CADM2: variants seen among roughly 807,000 people sequenced by gnomAD.
The protein encoded by CADM2 is immunoglobulin superfamily member 4D.
A neutral mutation model predicts 49.8 loss-of-function variants in CADM2; 12 were observed. The observed-to-expected ratio is 0.24, with a 90% CI of 0.15 to 0.39. The LOEUF is 0.39. Among genes scored for constraint, CADM2 ranks in the 10% least tolerant of loss-of-function variants. CADM2 has a pLI of 1.00. For synonymous variants in CADM2, 214 were observed against 175.4 expected, an observed-to-expected ratio of 1.22 and a Z score of -1.74; for missense variants, 378 against 492.3, an observed-to-expected ratio of 0.77 and a Z score of 2.20.
intron 1 of CADM2, among the ~76,000 whole-genome samples, chr3:85,284,007 A>G (rs1429601605): frequency 1.3e-5 from 2 of 152,306 alleles, no homozygotes; most frequent in African/African-American, 4.8e-5. Context: ...AGTGGATACT[A>G]TAATAATTTA....
chr3:85,863,407 A>C (rs1224387601), intron 3 of CADM2, among the ~76,000 whole-genome samples: 1 of 152,126 alleles, frequency 6.6e-6, no homozygotes, highest in East Asian at 1.9e-4. Context: ...GTGACTGCCA[A>C]TGTAATTGCA....
intron 1 of CADM2, among the ~76,000 whole-genome samples, chr3:85,162,755 C>T (rs1235998772): frequency 1.8e-4 from 27 of 151,672 alleles, no homozygotes; most frequent in Admixed American, 1.7e-3. Context: ...TAACTTTTGC[C>T]TATAGATTTT....
At chr3:85,268,990 T>C (rs2106835128) in intron 1 of CADM2, among the ~76,000 whole-genome samples, 1 of 151,438 alleles carries the variant, frequency 6.6e-6, no homozygotes, top group East Asian at 1.9e-4. Flanking sequence ...TATCTAATTT[T>C]ACATTTAGAA....
chr3:85,833,188 C>G (rs2074257413), intron 3 of CADM2, among the ~76,000 whole-genome samples: 1 of 151,788 alleles, frequency 6.6e-6, no homozygotes, highest in Non-Finnish European at 1.5e-5. Flanking sequence ...GGCGAATTAG[C>G]TTTCTGATGT....
chr3:85,950,150 A>G (rs1723270811), intron 7 of CADM2, among the ~76,000 whole-genome samples: 1 of 151,264 alleles, frequency 6.6e-6, no homozygotes, highest in Non-Finnish European at 1.5e-5. Flanking sequence ...TAAATATATT[A>G]TAAAGATTTT....
intron 6 of CADM2, among the ~76,000 whole-genome samples, chr3:85,913,653 A>T (rs1292577042): frequency 6.6e-6 from 1 of 152,218 alleles, no homozygotes; most frequent in Non-Finnish European, 1.5e-5. Flanking sequence ...TGTCAAAATA[A>T]TCACCTCCGC....
chr3:85,949,635 C>T lies in CADM2; in HGVS notation c.792-11834C>T, dbSNP rs1438782747. 2.6e-5 allele frequency among the ~76,000 whole-genome samples: 4 copies of T among 151,172 alleles called. No individual in the cohort carries two copies. In the East Asian group the frequency reaches 7.8e-4, roughly 29 times the overall value. ...ACTTTCAGTTTTAAGTTTCAATTAT[C>T]TTCAAGCTTTACTTATTCAGAGCAT... On this transcript the variant is annotated intron_variant, in intron 7 of 9. Transcript: ENST00000383699.
intron 2 of CADM2, among the ~76,000 whole-genome samples, chr3:85,796,426 A>G (rs1236707131): frequency 6.6e-6 from 1 of 152,156 alleles, no homozygotes; most frequent in African/African-American, 2.4e-5. Flanking sequence ...AAGGCAAAAC[A>G]CATCCCACTG....
chr3:85,445,865 C>T (rs1324401658), intron 1 of CADM2, among the ~76,000 whole-genome samples: 2 of 151,848 alleles, frequency 1.3e-5, no homozygotes, highest in Non-Finnish European at 2.9e-5. Flanking sequence ...TTTTTTGAAA[C>T]AAAATAAAAC....
At chr3:85,643,077 A>T (rs935791021) in intron 1 of CADM2, among the ~76,000 whole-genome samples, 5 of 152,164 alleles carry the variant, frequency 3.3e-5, no homozygotes, top group Non-Finnish European at 7.4e-5. Context: ...TTGGAAACAC[A>T]ATTATAATAT....
intron 1 of CADM2, among the ~76,000 whole-genome samples, chr3:85,703,211 T>C (rs1447287771): frequency 1.3e-5 from 2 of 152,124 alleles, no homozygotes; most frequent in African/African-American, 2.4e-5. Flanking sequence ...AAACTTTTGT[T>C]ATAGAGTTCT....
intron 1 of CADM2, among the ~76,000 whole-genome samples, chr3:85,076,682 T>G (rs2036957017): frequency 6.6e-6 from 1 of 151,986 alleles, no homozygotes; most frequent in Admixed American, 6.6e-5. Flanking sequence ...CTTCCAAAGA[T>G]AATTTTCGGC....
intron 1 of CADM2, among the ~76,000 whole-genome samples, chr3:85,530,673 G>C (rs887192056): frequency 6.6e-6 from 1 of 151,972 alleles, no homozygotes; most frequent in African/African-American, 2.4e-5. Context: ...TATCTTTATA[G>C]CAGTGTGAGA....
intron 1 of CADM2, among the ~76,000 whole-genome samples, chr3:85,120,984 C>T (rs1478035080): frequency 3.9e-5 from 6 of 152,016 alleles, no homozygotes; most frequent in Admixed American, 2.0e-4. Flanking sequence ...GAGCTTAAGC[C>T]CCTTGGAAAA....
At chr3:85,762,089 G>A (rs2069417214) in intron 2 of CADM2, among the ~76,000 whole-genome samples, 1 of 152,102 alleles carries the variant, frequency 6.6e-6, no homozygotes, top group South Asian at 2.1e-4. Flanking sequence ...AAATCACTAG[G>A]TCAAACTTGA....
intron 1 of CADM2, among the ~76,000 whole-genome samples, chr3:85,240,516 A>C (rs1328260031): frequency 6.6e-6 from 1 of 151,478 alleles, no homozygotes; most frequent in Non-Finnish European, 1.5e-5. Flanking sequence ...AATAGCTCCT[A>C]TTTTGGAGGT....
At chr3:85,300,185 G>C (rs1175976027) in intron 1 of CADM2, among the ~76,000 whole-genome samples, 4 of 152,040 alleles carry the variant, frequency 2.6e-5, no homozygotes, top group Non-Finnish European at 1.5e-5. Context: ...CTATAACTGA[G>C]TGTCTGAGGC....
At chr3:85,128,247 C>T (rs939761046) in intron 1 of CADM2, among the ~76,000 whole-genome samples, 10 of 152,094 alleles carry the variant, frequency 6.6e-5, no homozygotes, top group South Asian at 2.1e-4. Flanking sequence ...AGTTCAGCTG[C>T]GCCCAGGAAC....
chr3:85,987,943 G>A (rs761721274), intron 8 of CADM2, among the ~76,000 whole-genome samples: 8 of 152,050 alleles, frequency 5.3e-5, no homozygotes, highest in Non-Finnish European at 8.8e-5. Flanking sequence ...AAGCTGAAAA[G>A]ATTGCAGGCA....
Sources: gnomAD v4.1 joint callset for allele counts (sites outside exome capture counted in the v4.1 genomes callset) on GRCh38, gnomAD v4.1.1 for gene constraint, MANE v1.5 for transcripts, NCBI Gene and HGNC (gene_info 2026-07-23, HGNC 2026-07-21) for gene names.